HERC1: variants seen among roughly 807,000 people sequenced by gnomAD.
HERC1 encodes probable E3 ubiquitin-protein ligase HERC1.
Under a neutral mutation model 554.3 loss-of-function variants are expected in HERC1, and 160 were observed. That is an observed-to-expected ratio of 0.29 (90% confidence interval 0.25 to 0.33). HERC1 has a LOEUF of 0.33. Among genes scored for constraint, HERC1 ranks in the 10% least tolerant of loss-of-function variants. The probability of loss-of-function intolerance (pLI) is 1.00; values close to 1 mark genes in which losing one functional copy is unlikely to be tolerated. For missense variants in HERC1, 4,919 were observed against 5,918.5 expected (o/e 0.83, Z 5.54); for synonymous variants, 2,175 against 2,131.7 (o/e 1.02, Z -0.56).
chr15:63,635,699 T>TGCA (rs2068750374), intron 65 of HERC1, among the ~76,000 whole-genome samples: 1 of 152,198 alleles, frequency 6.6e-6, no homozygotes, highest in Non-Finnish European at 1.5e-5. Context: ...TCCAAGGGCG[T>TGCA]GCAGCACCCT....
intron 11 of HERC1, among the ~76,000 whole-genome samples, 161 bp from the exon 12 acceptor site, chr15:63,747,244 G>C: frequency 6.6e-6 from 1 of 152,176 alleles, no homozygotes; most frequent in East Asian, 1.9e-4. Context: ...TGGATCACCT[G>C]AAGTCAGGAG....
chr15:63,626,122 C>T lies in HERC1; in HGVS notation c.13138G>A (p.Asp4380Asn). ...VSVPLQLGLP[D>N]TVPPQYGALR... ...GCCCCATACTGGGGGGGCACTGTGT[C>T]AGGCAGGCCCAGCTGCAGAGGTACT... Residue 4380 changes from aspartate (D) to asparagine (N), a missense_variant, in exon 71 of 78, where the codon GAC becomes AAC. Asp to Asn is a conservative substitution (Grantham distance 23). Around this residue, in one of 11 missense-constraint regions of HERC1, gnomAD observed 410 missense variants for 467.0 expected, o/e 0.88. Coordinates refer to ENST00000443617, the MANE Select transcript of HERC1 (RefSeq NM_003922.4). The T allele has an allele frequency of 1.9e-6, 3 of 1,613,622 alleles. No individual in the cohort carries two copies. The highest frequency in any genetic ancestry group is 2.5e-6 in the Non-Finnish European group (3 of 1,179,790).
At chr15:63,819,137 A>G (rs1275891878) in intron 1 of HERC1, among the ~76,000 whole-genome samples, 1 of 152,138 alleles carries the variant, frequency 6.6e-6, no homozygotes, top group Non-Finnish European at 1.5e-5. Context: ...ATAGAAGACC[A>G]CTACTCATAC....
intron 1 of HERC1, among the ~76,000 whole-genome samples, chr15:63,789,632 G>A (rs1277269082): frequency 6.6e-6 from 1 of 150,850 alleles, no homozygotes; most frequent in Non-Finnish European, 1.5e-5. Context: ...ACCCCATCTC[G>A]ACTAAAAATA....
rs8033676 is a variant in HERC1 at position 63,643,291 on chromosome 15, G to C, written c.11331+113C>G. 2.7e-3 allele frequency: 2,605 copies of C among 963,936 alleles called. 41 individuals carry two copies. The African/African-American group carries it at 0.038, about 14-fold the overall frequency. 59.7% of individuals were successfully genotyped at this position (963,936 alleles called of 1,614,324 possible). On this transcript the variant is annotated intron_variant, in intron 58 of 77. Transcript: ENST00000443617. ...GAGGATTCTGAAAGAAGTTTCCTCAGTATTCAAGAGATTACTATATAAAAT... is the reference window on the plus strand; with the variant it reads ...GAGGATTCTGAAAGAAGTTTCCTCACTATTCAAGAGATTACTATATAAAAT...
intron 71 of HERC1, among the ~76,000 whole-genome samples, chr15:63,624,719 A>T (rs1352492645): frequency 6.6e-6 from 1 of 152,242 alleles, no homozygotes; most frequent in Non-Finnish European, 1.5e-5. Flanking sequence ...AATTGAAAAA[A>T]GAACATACAT....
At chr15:63,700,207 C>T (rs1388889843) in intron 25 of HERC1, among the ~76,000 whole-genome samples, 1 of 152,036 alleles carries the variant, frequency 6.6e-6, no homozygotes, top group Non-Finnish European at 1.5e-5. Context: ...TTTGGACACA[C>T]TCTTTCATTC....
chr15:63,748,431 G>A (rs2075133112), intron 10 of HERC1, among the ~76,000 whole-genome samples: 1 of 152,112 alleles, frequency 6.6e-6, no homozygotes, highest in South Asian at 2.1e-4. Flanking sequence ...AGAGGGCTGA[G>A]TCACATGATC....
chr15:63,623,504 C>G (rs970025416), intron 73 of HERC1, among the ~76,000 whole-genome samples: 1 of 152,134 alleles, frequency 6.6e-6, no homozygotes, highest in Admixed American at 6.6e-5. Flanking sequence ...TTGGTAGATG[C>G]CTAAGAACTG....
chr15:63,711,873 C>T (rs896732789), intron 24 of HERC1, among the ~76,000 whole-genome samples: 2 of 152,136 alleles, frequency 1.3e-5, no homozygotes, highest in Non-Finnish European at 2.9e-5. Context: ...GAGGTCATAG[C>T]ACATATAGAA....
chr15:63,634,414 C>A (rs1042386673), intron 66 of HERC1, among the ~76,000 whole-genome samples: 43 of 152,162 alleles, frequency 2.8e-4, no homozygotes, highest in Non-Finnish European at 2.9e-4. Flanking sequence ...TCAAGGATAC[C>A]AGACAGGAGC....
intron 59 of HERC1, 132 bp from the exon 60 acceptor site, chr15:63,641,775 G>T: frequency 4.3e-6 from 3 of 702,618 alleles, no homozygotes; most frequent in Non-Finnish European, 4.3e-6. Flanking sequence ...ATCCAAAAAG[G>T]CTATGCTTTT....
intron 36 of HERC1, 124 bp from the exon 37 acceptor site, chr15:63,678,489 T>A: frequency 1.8e-6 from 2 of 1,130,266 alleles, no homozygotes; most frequent in East Asian, 5.2e-5. Context: ...ATGTGAATTA[T>A]ACCAACTGGC....
At chr15:63,670,596 A>G (rs1218874564) in intron 39 of HERC1, among the ~76,000 whole-genome samples, 3 of 152,222 alleles carry the variant, frequency 2.0e-5, no homozygotes, top group East Asian at 3.8e-4. Context: ...ATGAGGAGTC[A>G]TAAGTCCTGG....
intron 7 of HERC1, 49 bp downstream of exon 7, chr15:63,754,456 A>C: frequency 6.7e-7 from 1 of 1,494,932 alleles, no homozygotes; most frequent in Non-Finnish European, 9.0e-7. Flanking sequence ...AAATTTTTAA[A>C]AAACTCAAGA....
In HERC1 at chr15:63,663,135, T is replaced by A; in HGVS notation, c.8750A>T (p.Asp2917Val). ...ATTAAAGTCATACAACGCCCCTGGG[T>A]CTTGCTGCAAAGATATTCCTTCTCT... ...SRREGISLQQDPGALYDFNLD... is the reference protein window; with the variant it reads ...SRREGISLQQVPGALYDFNLD... The change falls in exon 44 of 78, where the codon GAC (aspartate) becomes GTC (valine). Residue 2917 changes from aspartate to valine, a missense_variant. Asp to Val is a radical substitution (Grantham distance 152). This residue lies in a region of HERC1 where 1,963 missense variants were observed against 2,228.6 expected (regional missense o/e 0.88). Transcript: ENST00000443617. 6.2e-7 allele frequency: 1 copy of A among 1,613,990 alleles called. No homozygotes were observed. The highest frequency in any genetic ancestry group is 1.1e-5 in the South Asian group (1 of 91,080).
chr15:63,645,841 T>C (rs1351717196), intron 55 of HERC1, among the ~76,000 whole-genome samples, 159 bp from the exon 56 acceptor site: 4 of 152,230 alleles, frequency 2.6e-5, no homozygotes, highest in Admixed American at 2.6e-4. Flanking sequence ...GCCATATCAT[T>C]CCCAATCACT....
chr15:63,830,015 A>G (rs2078102754), intron 1 of HERC1, among the ~76,000 whole-genome samples: 1 of 152,226 alleles, frequency 6.6e-6, no homozygotes. Context: ...TAATAAATGC[A>G]GAAGGAATGA....
rs114459100 is a variant in HERC1 at position 63,720,806 on chromosome 15, A to C, written c.3743-1909T>G. 4.7e-3 allele frequency among the ~76,000 whole-genome samples: 718 copies of C among 152,318 alleles called. 10 individuals carry two copies. Among genetic ancestry groups the C allele is most frequent in the African/African-American group, 0.017 (690 of 41,580 alleles). On this transcript the variant is annotated intron_variant, in intron 19 of 77. Transcript: ENST00000443617. The stretch of plus-strand genomic sequence containing the variant: ...CAAGGAACCTAATATTCAATTTTAA[A>C]AGCAAACTAAAGTAACACTCTTTGT...
Sources: gnomAD v4.1 joint callset for allele counts (sites outside exome capture counted in the v4.1 genomes callset) on GRCh38, gnomAD v4.1.1 for gene constraint, gnomAD v4.1.1 regional missense constraint, MANE v1.5 for transcripts, NCBI Gene and HGNC (gene_info 2026-07-23, HGNC 2026-07-21) for gene names.